Variants in POTEI observed in about 807,000 individuals in gnomAD.
POTEI encodes POTE ankyrin domain family, member I.
In POTEI, 14 loss-of-function variants were observed where a neutral mutation model predicts 43.4. The observed-to-expected ratio is 0.32, with a 90% CI of 0.21 to 0.50. The LOEUF (loss-of-function observed/expected upper bound fraction) is 0.50. POTEI is among the 20% of genes least tolerant of loss of function. The probability of loss-of-function intolerance (pLI) is 0.98; values close to 1 mark genes in which losing one functional copy is unlikely to be tolerated. For synonymous variants in POTEI, 95 were observed against 297.9 expected (o/e 0.32, Z 7.01); for missense variants, 235 against 795.4 (o/e 0.30, Z 8.47).
chr2:130,496,446 C>T, intron 6 of POTEI, 106 bp downstream of exon 6: 2 of 665,288 alleles, frequency 3.0e-6, no homozygotes, highest in Non-Finnish European at 4.8e-6. Context: ...GAAACCATCC[C>T]CACCTTCCCC....
At position 130,496,589 on chromosome 2, in the gene POTEI, T is replaced by C. The variant is rs1375449125; in HGVS notation, c.1089A>G (p.Lys363=). 7 of 914,374 alleles carry C rather than the reference T, an allele frequency of 7.7e-6. No individual in the cohort carries two copies. In the South Asian group the frequency reaches 1.0e-4, roughly 13 times the overall value. 56.6% of individuals were successfully genotyped at this position (914,374 alleles called of 1,614,324 possible). ...TTTCAGAAGAGATTTTTAGCATCTG[T>C]TTTTCTTTGTAGTCAGAAAGTAACT... ...ICQLLSDYKE[K]QMLKISSENS... The change falls in exon 6 of 15, where the codon AAA becomes AAG. Residue 363 remains lysine (K), a synonymous_variant. Coordinates refer to ENST00000451531, the MANE Select transcript of POTEI (RefSeq NM_001277406.2).
chr2:130,467,750 TCAAA>T (rs1462324754), intron 13 of POTEI, among the ~76,000 whole-genome samples: 4 of 151,766 alleles, frequency 2.6e-5, no homozygotes, highest in Non-Finnish European at 4.4e-5. Flanking sequence ...TACAAGAAAC[TCAAA>T]CAAATCAACA....
At chr2:130,477,731 TTAAAA>T (rs1488424677) in intron 10 of POTEI, among the ~76,000 whole-genome samples, 5 of 138,396 alleles carry the variant, frequency 3.6e-5, no homozygotes, top group African/African-American at 1.5e-4. Flanking sequence ...TTAAAAAGAA[TTAAAA>T]TAAAGCCTGT....
chr2:130,506,515 TC>T (rs56670780), intron 1 of POTEI, among the ~76,000 whole-genome samples: 16,599 of 27,790 alleles, frequency 0.6, 3,923 homozygotes, highest in East Asian at 0.95. Context: ...TTTTTTTTTT[TC>T]TTTTTTTTTT....
intron 10 of POTEI, among the ~76,000 whole-genome samples, chr2:130,478,597 G>A (rs1683283683): frequency 7.7e-6 from 1 of 129,662 alleles, no homozygotes; most frequent in Non-Finnish European, 1.6e-5. Context: ...TTATTTAGAA[G>A]TCAGAACTAT....
intron 13 of POTEI, among the ~76,000 whole-genome samples, chr2:130,473,529 C>A (rs1278699790): frequency 4.1e-4 from 10 of 24,170 alleles, no homozygotes; most frequent in African/African-American, 4.8e-4. Context: ...GTATACCCTA[C>A]ATCTAACCTC....
chr2:130,488,668 T>A (rs1343492724), intron 8 of POTEI, among the ~76,000 whole-genome samples: 8 of 124,788 alleles, frequency 6.4e-5, no homozygotes, highest in African/African-American at 2.4e-4. Context: ...GTTTGCCCTT[T>A]TCTGCGCTAA....
At chr2:130,466,714 AG>A (rs1485121002) in intron 13 of POTEI, among the ~76,000 whole-genome samples, 1 of 11,010 alleles carries the variant, frequency 9.1e-5, no homozygotes, top group African/African-American at 3.2e-4. Flanking sequence ...ATTGGAAAAG[AG>A]GAAGTCAAAC....
chr2:130,496,733 T>C (rs2105115917), intron 5 of POTEI, 111 bp from the exon 6 acceptor site: 7 of 1,093,676 alleles, frequency 6.4e-6, no homozygotes, highest in African/African-American at 1.5e-5. Flanking sequence ...ATATCAGAAC[T>C]TAATAGTATT....
intron 10 of POTEI, among the ~76,000 whole-genome samples, chr2:130,479,631 G>A (rs557161362): frequency 3.1e-4 from 15 of 48,748 alleles, no homozygotes; most frequent in African/African-American, 9.3e-4. Context: ...ACAACAGCAG[G>A]GTTAAGTAGA....
rs1186028178 is a variant in POTEI at position 130,461,106 on chromosome 2, C to G, written c.*1710G>C. The stretch of plus-strand genomic sequence containing the variant: ...CGAACCTGTTGCCAATCTGAACACA[C>G]CTATAAGATGTGGCTGGAGGCAAGT... On this transcript the variant is annotated 3_prime_UTR_variant, in exon 15 of 15. Transcript: ENST00000451531. 1 of 151,614 alleles carries G rather than the reference C, an allele frequency of 6.6e-6. No individual in the cohort carries two copies. Among genetic ancestry groups the G allele is most frequent in the Non-Finnish European group, 1.5e-5 (1 of 68,004 alleles). 9.4% of individuals were successfully genotyped at this position (151,614 alleles called of 1,614,324 possible).
intron 9 of POTEI, among the ~76,000 whole-genome samples, chr2:130,483,824 G>T (rs567680280): frequency 2.7e-4 from 41 of 150,418 alleles, no homozygotes; most frequent in African/African-American, 9.7e-4. Flanking sequence ...CTCGTGATCC[G>T]CCTGCCTCGG....
At chr2:130,484,997 A>G (rs2672114) in intron 9 of POTEI, among the ~76,000 whole-genome samples, 8 of 152,412 alleles carry the variant, frequency 5.2e-5, no homozygotes, top group Middle Eastern at 3.4e-3. Flanking sequence ...GCAATTGGAA[A>G]AGTTGCCCTT....
intron 3 of POTEI, 61 bp from the exon 4 acceptor site, chr2:130,500,703 A>C: frequency 2.7e-6 from 1 of 373,522 alleles, no homozygotes; most frequent in African/African-American, 3.9e-5. Flanking sequence ...TCCTCAACCG[A>C]AGTGGAAACT....
At chr2:130,485,274 G>A (rs1426117786) in intron 9 of POTEI, among the ~76,000 whole-genome samples, 2 of 150,514 alleles carry the variant, frequency 1.3e-5, no homozygotes, top group Admixed American at 6.6e-5. Flanking sequence ...GTGAGGCCAA[G>A]GCAGACAGAT....
At chr2:130,493,198 T>G (rs1344002963) in intron 6 of POTEI, among the ~76,000 whole-genome samples, 1 of 68,120 alleles carries the variant, frequency 1.5e-5, no homozygotes, top group African/African-American at 4.5e-5. Context: ...TGCCTTCATA[T>G]GCTCCTTGCT....
chr2:130,484,978 T>C (rs1683547393), intron 9 of POTEI, among the ~76,000 whole-genome samples: 1 of 152,296 alleles, frequency 6.6e-6, no homozygotes, highest in Non-Finnish European at 1.5e-5. Context: ...CACTGACATT[T>C]TTGGCAGAGC....
intron 10 of POTEI, among the ~76,000 whole-genome samples, chr2:130,480,428 A>T (rs1204211532): frequency 6.6e-6 from 1 of 150,994 alleles, no homozygotes; most frequent in East Asian, 2.0e-4. Context: ...AAACCCTGCC[A>T]TGTTCACTCA....
intron 13 of POTEI, among the ~76,000 whole-genome samples, chr2:130,474,113 A>G (rs1683102812): frequency 1.4e-5 from 2 of 146,090 alleles, no homozygotes; most frequent in African/African-American, 5.5e-5. Context: ...CTGCACACGT[A>G]CCCGAAGCTA....
Sources: gnomAD v4.1 joint callset for allele counts (sites outside exome capture counted in the v4.1 genomes callset) on GRCh38, gnomAD v4.1.1 for gene constraint, MANE v1.5 for transcripts, NCBI Gene and HGNC (gene_info 2026-07-23, HGNC 2026-07-21) for gene names.